The following TBC1D22A variants were observed in gnomAD, a reference collection of about 807,000 sequenced individuals.
The protein encoded by TBC1D22A is putative GTPase activator.
Under a neutral mutation model 60.2 loss-of-function variants are expected in TBC1D22A, and 38 were observed. That is an observed-to-expected ratio of 0.63 (90% confidence interval 0.49 to 0.83). The LOEUF (loss-of-function observed/expected upper bound fraction) is 0.83, where lower values mean the gene tolerates loss of function less well. TBC1D22A is among the 40% of genes least tolerant of loss of function. The pLI, the probability that TBC1D22A is intolerant of heterozygous loss-of-function variation, is 0.00. For missense variants in TBC1D22A, 628 were observed against 701.0 expected (o/e 0.90, Z 1.18); for synonymous variants, 302 against 281.7 (o/e 1.07, Z -0.72).
intron 4 of TBC1D22A, among the ~76,000 whole-genome samples, chr22:46,870,407 A>G (rs1424435501): frequency 6.6e-6 from 1 of 152,252 alleles, no homozygotes; most frequent in Non-Finnish European, 1.5e-5. Flanking sequence ...TTCAGTTTTC[A>G]GAAAGGAAAT....
At chr22:46,921,067 G>T (rs892428884) in intron 8 of TBC1D22A, among the ~76,000 whole-genome samples, 1 of 152,080 alleles carries the variant, frequency 6.6e-6, no homozygotes, top group Admixed American at 6.5e-5. Context: ...CACTGTGCCC[G>T]GCTACTATGT....
intron 11 of TBC1D22A, among the ~76,000 whole-genome samples, chr22:47,086,944 C>A: frequency 6.6e-6 from 1 of 152,218 alleles, no homozygotes; most frequent in Admixed American, 6.5e-5. Context: ...AGATAGATAT[C>A]CATCAATGTG....
chr22:46,996,886 G>A (rs1816940337), intron 9 of TBC1D22A, among the ~76,000 whole-genome samples: 1 of 152,150 alleles, frequency 6.6e-6, no homozygotes, highest in Non-Finnish European at 1.5e-5. Flanking sequence ...CATTCCACTT[G>A]TTTGTTTCCC....
chr22:46,933,002 C>T (rs918660385), intron 8 of TBC1D22A, among the ~76,000 whole-genome samples: 3 of 152,142 alleles, frequency 2.0e-5, no homozygotes, highest in South Asian at 2.1e-4. Flanking sequence ...GGATGACAGG[C>T]GTGAGCCACT....
intron 7 of TBC1D22A, among the ~76,000 whole-genome samples, chr22:46,903,456 C>T (rs773985698): frequency 2.0e-5 from 3 of 152,212 alleles, no homozygotes; most frequent in East Asian, 1.9e-4. Context: ...TGGCTTTTGC[C>T]GCTTGAATTT....
chr22:46,772,644 C>CT lies in TBC1D22A; in HGVS notation c.62+9816dup, dbSNP rs75900312. ...TATACACAAACACACATGCACCGCA[C>CT]TTTTTTTTTTTTTTTTTTTTGAGAT... is the stretch of plus-strand genomic sequence containing the variant. On this transcript the variant is annotated intron_variant, in intron 1 of 12. Transcript: ENST00000337137. 2.7e-3 allele frequency among the ~76,000 whole-genome samples: 303 copies of CT among 110,928 alleles called. 53 individuals carry two copies. Among genetic ancestry groups the CT allele is most frequent in the Non-Finnish European group, 4.4e-3 (229 of 52,216 alleles). The allele number at this position is 110,928 out of a possible 152,430, so 72.8% of individuals were successfully genotyped here.
At chr22:46,835,889 C>G (rs1287017905) in intron 4 of TBC1D22A, among the ~76,000 whole-genome samples, 2 of 152,018 alleles carry the variant, frequency 1.3e-5, no homozygotes, top group Admixed American at 6.5e-5. Flanking sequence ...CAATGGATTT[C>G]TCAACATAAA....
intron 5 of TBC1D22A, among the ~76,000 whole-genome samples, chr22:46,881,115 G>A (rs2067828657): frequency 6.6e-6 from 1 of 152,128 alleles, no homozygotes; most frequent in Non-Finnish European, 1.5e-5. Flanking sequence ...AGGAGACCAG[G>A]TGACAGCCGC....
chr22:46,790,928 A>G (rs530298957), intron 1 of TBC1D22A, among the ~76,000 whole-genome samples: 25 of 152,198 alleles, frequency 1.6e-4, no homozygotes, highest in African/African-American at 6.0e-4. Context: ...TCACTATATT[A>G]TTTTATTTTT....
chr22:47,050,147 G>A (rs1008521644), intron 11 of TBC1D22A, among the ~76,000 whole-genome samples: 3 of 152,218 alleles, frequency 2.0e-5, no homozygotes, highest in African/African-American at 7.2e-5. Context: ...TAGGATTAAG[G>A]CGCCTGCCAC....
At chr22:47,042,360 A>G (rs1603133211) in intron 11 of TBC1D22A, among the ~76,000 whole-genome samples, 1 of 152,102 alleles carries the variant, frequency 6.6e-6, no homozygotes. Flanking sequence ...TGGGGGCGCC[A>G]TGGCTCCCGG....
At chr22:46,840,532 A>G (rs578129272) in intron 4 of TBC1D22A, among the ~76,000 whole-genome samples, 1 of 152,280 alleles carries the variant, frequency 6.6e-6, no homozygotes, top group African/African-American at 2.4e-5. Context: ...CAGAAGTTTG[A>G]GACCAGCCTG....
chr22:46,930,280 T>G (rs2071282595), intron 8 of TBC1D22A, among the ~76,000 whole-genome samples: 1 of 152,120 alleles, frequency 6.6e-6, no homozygotes, highest in Non-Finnish European at 1.5e-5. Flanking sequence ...TATCTGACAT[T>G]TATTGAGTTT....
At chr22:46,906,837 C>CT (rs11405593) in intron 7 of TBC1D22A, among the ~76,000 whole-genome samples, 47,164 of 149,968 alleles carry the variant, frequency 0.31, 8,256 homozygotes, top group East Asian at 0.62. Context: ...TGTGTGTGTT[C>CT]TTTTTTGTGT....
chr22:47,100,335 C>T (rs1333280993), intron 11 of TBC1D22A, among the ~76,000 whole-genome samples: 3 of 151,536 alleles, frequency 2.0e-5, no homozygotes, highest in Non-Finnish European at 4.4e-5. Flanking sequence ...CCTTTGGGCA[C>T]AGGGGTAAGC....
At chr22:46,878,817 G>A (rs2067703138) in intron 5 of TBC1D22A, 94 bp downstream of exon 5, 6 of 1,219,038 alleles carry the variant, frequency 4.9e-6, no homozygotes, top group Non-Finnish European at 4.8e-6. Context: ...CACAGCCCAC[G>A]GGTTTGCCTT....
At chr22:46,904,044 A>T (rs1262139098) in intron 7 of TBC1D22A, among the ~76,000 whole-genome samples, 1 of 152,064 alleles carries the variant, frequency 6.6e-6, no homozygotes, top group Non-Finnish European at 1.5e-5. Context: ...GAAATCTGTC[A>T]TATATATGTA....
intron 12 of TBC1D22A, among the ~76,000 whole-genome samples, chr22:47,119,344 C>T (rs537982415): frequency 6.6e-6 from 1 of 152,324 alleles, no homozygotes; most frequent in East Asian, 1.9e-4. Context: ...TCTCACAGAG[C>T]TGGCCACCCG....
At chr22:46,907,583 C>T (rs1333538014) in intron 7 of TBC1D22A, among the ~76,000 whole-genome samples, 1 of 152,148 alleles carries the variant, frequency 6.6e-6, no homozygotes, top group African/African-American at 2.4e-5. Flanking sequence ...CTGCGCCATC[C>T]TCGCCTCCAC....
Sources: allele counts gnomAD v4.1 joint callset (sites outside exome capture counted in the v4.1 genomes callset), GRCh38; gene constraint gnomAD v4.1.1; transcripts MANE v1.5; gene names NCBI Gene and HGNC (gene_info 2026-07-23, HGNC 2026-07-21).